GLI2: variants seen among roughly 807,000 people sequenced by gnomAD.
GLI2 encodes transcription activator GLI2.
Under a neutral mutation model 78.9 loss-of-function variants are expected in GLI2, and 22 were observed. That is an observed-to-expected ratio of 0.28 (90% CI 0.20 to 0.40). The LOEUF is 0.40. Ranked by LOEUF, GLI2 falls within the 10% of genes least tolerant of loss-of-function variation. GLI2 has a pLI of 1.00. For synonymous variants in GLI2, 974 were observed against 963.7 expected (o/e 1.01, Z -0.20); for missense variants, 2,097 against 2,213.2 (o/e 0.95, Z 1.05).
At chr2:120,856,460 T>A (rs891916599) in intron 2 of GLI2, among the ~76,000 whole-genome samples, 5 of 152,174 alleles carry the variant, frequency 3.3e-5, no homozygotes, top group Non-Finnish European at 7.4e-5. Flanking sequence ...GGACGGCTCC[T>A]AGGTAGAGAT....
intron 2 of GLI2, among the ~76,000 whole-genome samples, chr2:120,814,395 T>A (rs1306251914): frequency 3.3e-5 from 5 of 152,098 alleles, no homozygotes; most frequent in Non-Finnish European, 7.4e-5. Flanking sequence ...GGCTGAAAGG[T>A]GTGTGAGTGT....
At chr2:120,835,417 G>A (rs537304743) in intron 2 of GLI2, among the ~76,000 whole-genome samples, 69 of 144,240 alleles carry the variant, frequency 4.8e-4, no homozygotes, top group Non-Finnish European at 9.0e-4. Context: ...ACAGAGTCTC[G>A]CTCTGTCACC....
intron 10 of GLI2, among the ~76,000 whole-genome samples, chr2:120,979,872 A>C (rs1030520163): frequency 2.0e-5 from 3 of 152,128 alleles, no homozygotes; most frequent in Admixed American, 6.5e-5. Flanking sequence ...CTGTTCTGGA[A>C]ATTTCATAAA....
At chr2:120,817,821 C>T (rs1359882220) in intron 2 of GLI2, among the ~76,000 whole-genome samples, 2 of 152,124 alleles carry the variant, frequency 1.3e-5, no homozygotes, top group East Asian at 1.9e-4. Flanking sequence ...GCGGGCGTAG[C>T]GTCCTCACCC....
rs751647456 is a variant in GLI2, at chr2:120,988,953, G to A, written c.2988G>A (p.Pro996=). Residue 996 remains proline (P), a synonymous_variant, in exon 14 of 14, where the codon CCG becomes CCA. Transcript: ENST00000361492. Reference sequence around the variant, plus strand: ...GAGGCCTCCGCCTGCAGAGCCACCCGAGCACCGACGGCGGCCTGGCCCGCG... The same window carrying A: ...GAGGCCTCCGCCTGCAGAGCCACCCAAGCACCGACGGCGGCCTGGCCCGCG... ...DRRGLRLQSH[P]STDGGLARGA... 3.9e-6 allele frequency: 6 copies of A among 1,538,946 alleles called. No homozygotes were observed. In the African/African-American group the frequency reaches 4.1e-5, roughly 11 times the overall value.
intron 2 of GLI2, among the ~76,000 whole-genome samples, chr2:120,820,728 C>T (rs1465246992): frequency 2.6e-5 from 4 of 152,132 alleles, no homozygotes; most frequent in Admixed American, 1.3e-4. Flanking sequence ...AAAGAGTGAG[C>T]GCTGGAGAGG....
chr2:120,989,428 G>A lies in GLI2; in HGVS notation c.3463G>A (p.Ala1155Thr). The stretch of plus-strand genomic sequence containing the variant: ...TCCACCCTTTCCTCAGGGCAACCTG[G>A]CGGTGGTGCAGCAGAAGCCTGCCTT... ...KPPPFPQGNL[A>T]VVQQKPAFGQ... The change falls in exon 14 of 14, where the codon GCG (alanine) becomes ACG (threonine). Residue 1155 changes from alanine (A) to threonine (T), a missense_variant. By Grantham distance (58) the Ala-to-Thr change is moderately conservative. Transcript: ENST00000361492. 2 of 1,613,106 alleles carry A rather than the reference G, an allele frequency of 1.2e-6. No individual in the cohort carries two copies. Among genetic ancestry groups the A allele is most frequent in the Non-Finnish European group, 1.7e-6 (2 of 1,180,010 alleles).
chr2:120,957,494 C>T (rs938225422), intron 5 of GLI2, among the ~76,000 whole-genome samples: 4 of 152,218 alleles, frequency 2.6e-5, no homozygotes, highest in Non-Finnish European at 5.9e-5. Context: ...CAGCAGCAAC[C>T]GAGTGCATGA....
Position 120,883,598 on chromosome 2 carries a change from G to C in GLI2, c.149-43763G>C, listed in dbSNP as rs147902752. 5.7e-4 allele frequency among the ~76,000 whole-genome samples: 87 copies of C among 152,324 alleles called. No homozygotes were observed. In the East Asian group the frequency reaches 0.015, roughly 26 times the overall value. ...TGTAGAGCATTTGCTACGCTGACCC[G>C]TTAAGTCCCTACAGCAGTCTCATGA... On this transcript the variant is annotated intron_variant, in intron 2 of 13. Coordinates refer to ENST00000361492, the MANE Select transcript of GLI2 (RefSeq NM_001374353.1).
chr2:120,776,728 G>A (rs1187497602), intron 1 of GLI2, among the ~76,000 whole-genome samples: 1 of 152,234 alleles, frequency 6.6e-6, no homozygotes, highest in African/African-American at 2.4e-5. Context: ...AGCTGGGTCA[G>A]GGGCTGTGGA....
chr2:120,976,778 T>TCCC (rs1682474463), intron 9 of GLI2, among the ~76,000 whole-genome samples: 4 of 152,160 alleles, frequency 2.6e-5, no homozygotes, highest in Admixed American at 2.6e-4. Flanking sequence ...GGTGGCCACC[T>TCCC]CCACCAGGCC....
At chr2:120,944,599 A>G (rs1017688564) in intron 3 of GLI2, among the ~76,000 whole-genome samples, 1 of 152,198 alleles carries the variant, frequency 6.6e-6, no homozygotes, top group African/African-American at 2.4e-5. Flanking sequence ...AACCTTCTCG[A>G]GAACTGAGAC....
rs78555796 is a variant in GLI2, at chr2:120,932,466, C to T, written c.254+5000C>T. Among the ~76,000 whole-genome samples the T allele has an allele frequency of 8.2e-3, 1,256 of 152,296 alleles. 14 individuals are homozygous for T. Among genetic ancestry groups the T allele is most frequent in the African/African-American group, 0.028 (1,177 of 41,568 alleles). The stretch of plus-strand genomic sequence containing the variant: ...GTTCCCTGCACTCTCTCATTCTGCC[C>T]TGCCCTCTGCCCCTCCGGAGTACCT... On this transcript the variant is annotated intron_variant, in intron 3 of 13. Coordinates refer to ENST00000361492, the MANE Select transcript of GLI2 (RefSeq NM_001374353.1).
chr2:120,848,550 T>G (rs75287403), intron 2 of GLI2, among the ~76,000 whole-genome samples: 2,595 of 152,332 alleles, frequency 0.017, 65 homozygotes, highest in African/African-American at 0.058. Context: ...ATCCTATTCT[T>G]GGCAACTTTT....
At chr2:120,939,085 C>G (rs899123250) in intron 3 of GLI2, among the ~76,000 whole-genome samples, 6 of 152,170 alleles carry the variant, frequency 3.9e-5, no homozygotes, top group African/African-American at 1.4e-4. Context: ...AGTTCGAGAC[C>G]AGCCTGGCCA....
At chr2:120,785,190 T>C (rs1683961630) in intron 1 of GLI2, among the ~76,000 whole-genome samples, 1 of 151,938 alleles carries the variant, frequency 6.6e-6, no homozygotes, top group African/African-American at 2.4e-5. Flanking sequence ...GCTGAGGGCA[T>C]GTGGCCTCCT....
chr2:120,887,378 A>G (rs1677464371), intron 2 of GLI2, among the ~76,000 whole-genome samples: 1 of 152,244 alleles, frequency 6.6e-6, no homozygotes, highest in South Asian at 2.1e-4. Flanking sequence ...GGAGCCTGTG[A>G]TTATCACCCT....
intron 2 of GLI2, among the ~76,000 whole-genome samples, chr2:120,872,136 G>A (rs531418714): frequency 4.0e-4 from 61 of 152,232 alleles, no homozygotes; most frequent in Non-Finnish European, 8.4e-4. Flanking sequence ...GCTGTAGGAG[G>A]TGGAGTGACC....
chr2:120,880,954 G>A (rs1441745269), intron 2 of GLI2, among the ~76,000 whole-genome samples: 1 of 152,134 alleles, frequency 6.6e-6, no homozygotes, highest in Non-Finnish European at 1.5e-5. Context: ...TGTGAAATTT[G>A]TCTTTCTTAT....
Sources: gnomAD v4.1 joint callset for allele counts (sites outside exome capture counted in the v4.1 genomes callset) on GRCh38, gnomAD v4.1.1 for gene constraint, MANE v1.5 for transcripts, NCBI Gene and HGNC (gene_info 2026-07-23, HGNC 2026-07-21) for gene names.